Variants in LYST observed in about 807,000 individuals in gnomAD.
The protein encoded by LYST is lysosomal trafficking regulator.
Under a neutral mutation model 413.6 loss-of-function variants are expected in LYST, and 192 were observed. That is an observed-to-expected ratio of 0.46 (90% confidence interval 0.41 to 0.52). The LOEUF (loss-of-function observed/expected upper bound fraction) is 0.52. LYST is among the 20% of genes least tolerant of loss of function. The probability of loss-of-function intolerance (pLI) is 0.00; values close to 1 mark genes in which losing one functional copy is unlikely to be tolerated. For synonymous variants in LYST, 1,525 were observed against 1,567.3 expected (o/e 0.97, Z 0.64); for missense variants, 3,815 against 4,499.9 (o/e 0.85, Z 4.35).
chr1:235,817,981 A>G (rs1156546173), intron 3 of LYST, among the ~76,000 whole-genome samples: 2 of 152,216 alleles, frequency 1.3e-5, no homozygotes, highest in African/African-American at 4.8e-5. Flanking sequence ...CGTAAGTTTT[A>G]CAATATTTTC....
intron 1 of LYST, among the ~76,000 whole-genome samples, chr1:235,842,984 T>C (rs1165085982): frequency 3.2e-4 from 48 of 152,276 alleles, no homozygotes; most frequent in Non-Finnish European, 8.8e-5. Context: ...TGACCACATA[T>C]ATTCTTCACT....
intron 37 of LYST, among the ~76,000 whole-genome samples, chr1:235,728,951 C>G (rs1215872884): frequency 1.3e-5 from 2 of 152,264 alleles, no homozygotes; most frequent in East Asian, 1.9e-4. Flanking sequence ...ATTTCAGATT[C>G]ATCAAGTCTG....
At position 235,678,432 on chromosome 1, in the gene LYST, T is replaced by C. The variant is rs529588133; in HGVS notation, c.10801-813A>G. On this transcript the variant is annotated intron_variant, in intron 48 of 52. Coordinates refer to ENST00000389793, the MANE Select transcript of LYST (RefSeq NM_000081.4). ...TAATGCTACCGATACTCAGCAGTTA[T>C]GGCTTGACTTTCTAAATCAAAGCTT... Among the ~76,000 whole-genome samples, 5 of 152,332 alleles carry C rather than the reference T, an allele frequency of 3.3e-5. No individual in the cohort carries two copies. In the East Asian group the frequency reaches 7.7e-4, roughly 23 times the overall value.
chr1:235,778,875 T>C (rs1669579583), intron 16 of LYST, among the ~76,000 whole-genome samples: 1 of 151,782 alleles, frequency 6.6e-6, no homozygotes, highest in Non-Finnish European at 1.5e-5. Flanking sequence ...CTTTTTTCTT[T>C]TTTTTTTTGA....
At chr1:235,870,431 T>C (rs1680876920), upstream of LYST, among the ~76,000 whole-genome samples, 1 of 152,208 alleles carries the variant, frequency 6.6e-6, no homozygotes, top group African/African-American at 2.4e-5. Context: ...CTCACTTCCA[T>C]TTTCTGTATG....
intron 15 of LYST, 43 bp downstream of exon 15, chr1:235,781,884 T>C (rs1267877407): frequency 7.5e-7 from 1 of 1,336,088 alleles, no homozygotes; most frequent in East Asian, 2.3e-5. Context: ...TCTCACTCTG[T>C]CGCCCAGGCT....
chr1:235,782,136 G>T, intron 14 of LYST, 49 bp from the exon 15 acceptor site: 5 of 1,450,076 alleles, frequency 3.4e-6, no homozygotes, highest in Non-Finnish European at 4.8e-6. Context: ...AGGAAGTCTA[G>T]TACTAAGTAT....
chr1:235,816,838 GA>G (rs1414956861), intron 3 of LYST, among the ~76,000 whole-genome samples: 4 of 152,156 alleles, frequency 2.6e-5, no homozygotes, highest in African/African-American at 9.7e-5. Flanking sequence ...CATGACGAAG[GA>G]TGCCAAAAGC....
At chr1:235,663,915 A>G in intron 52 of LYST, 69 bp downstream of exon 52, 1 of 1,289,578 alleles carries the variant, frequency 7.8e-7, no homozygotes, top group East Asian at 2.3e-5. Flanking sequence ...CTGTGTGCTT[A>G]AATACCTCTC....
intron 46 of LYST, among the ~76,000 whole-genome samples, chr1:235,695,482 A>G (rs1346770686): frequency 6.6e-6 from 1 of 152,246 alleles, no homozygotes; most frequent in East Asian, 1.9e-4. Context: ...GAACATAGCT[A>G]TTAAGGGCAC....
intron 34 of LYST, 102 bp downstream of exon 34, chr1:235,733,401 G>A (rs2103220632): frequency 1.0e-6 from 1 of 996,312 alleles, no homozygotes; most frequent in Non-Finnish European, 1.6e-6. Context: ...ATTGTTTAAT[G>A]AAATGATTTT....
chr1:235,738,098 G>A, intron 31 of LYST: 2 of 1,606,768 alleles, frequency 1.2e-6, no homozygotes, highest in Non-Finnish European at 1.7e-6. Context: ...CTCTTGGCAT[G>A]GCCTGTGCCA....
In LYST at chr1:235,810,369, G is replaced by A. The variant is rs200787730; in HGVS notation, c.449C>T (p.Thr150Ile). The A allele has an allele frequency of 1.4e-5, 23 of 1,613,710 alleles. No homozygotes were observed. Among genetic ancestry groups the A allele is most frequent in the Non-Finnish European group, 1.9e-5 (22 of 1,179,868 alleles). The part of the protein sequence containing the change: ...FRKSRRQRKI[T>I]HRYSVRDARK... ...TGCATCTCTTACAGAATAGCGATGG[G>A]TAATTTTACGCTGTCGTCTGCTTTT... Residue 150 changes from threonine to isoleucine, a missense_variant, in exon 5 of 53, where the codon ACC (threonine) becomes ATC (isoleucine). Thr to Ile is a moderately conservative substitution (Grantham distance 89, BLOSUM62 -1). This residue lies in a region of LYST where 1,648 missense variants were observed against 1,810.3 expected (regional missense o/e 0.91). Transcript: ENST00000389793.
chr1:235,795,000 A>G (rs967939924), intron 10 of LYST, among the ~76,000 whole-genome samples: 2 of 152,180 alleles, frequency 1.3e-5, no homozygotes, highest in African/African-American at 2.4e-5. Flanking sequence ...GGCAGTGGGC[A>G]TTGGGGCACA....
upstream of LYST, among the ~76,000 whole-genome samples, chr1:235,870,374 C>G (rs1305113114): frequency 6.6e-6 from 1 of 152,212 alleles, no homozygotes; most frequent in African/African-American, 2.4e-5. Context: ...GAACTGTGTT[C>G]TAATAAAGCA....
At chr1:235,716,896 C>T (rs1363945284) in intron 40 of LYST, 118 bp from the exon 41 acceptor site, 1 of 665,654 alleles carries the variant, frequency 1.5e-6, no homozygotes, top group East Asian at 2.7e-5. Flanking sequence ...ACCCTTATTT[C>T]TCTGCTTAAA....
chr1:235,808,811 A>T lies in LYST; in HGVS notation c.2007T>A (p.Ser669Arg). ...CDAELSSSLS[S>R]PSYRFQGILP... Reference sequence around the variant, plus strand: ...GGATCCCTTGAAATCTGTAAGAAGGACTGGATAAACTTGAGGAGAGTTCAG... The same window carrying T: ...GGATCCCTTGAAATCTGTAAGAAGGTCTGGATAAACTTGAGGAGAGTTCAG... Residue 669 changes from serine (S) to arginine (R), a missense_variant, in exon 5 of 53, where the codon AGT becomes AGA. Physicochemically the swap from Ser to Arg is moderately radical, Grantham distance 110 (BLOSUM62 -1). This residue lies in a region of LYST where 1,648 missense variants were observed against 1,810.3 expected (regional missense o/e 0.91). Coordinates refer to ENST00000389793, the MANE Select transcript of LYST (RefSeq NM_000081.4). The T allele has an allele frequency of 6.2e-7, 1 of 1,614,072 alleles. No homozygotes were observed. Among genetic ancestry groups the T allele is most frequent in the Non-Finnish European group, 8.5e-7 (1 of 1,179,988 alleles).
chr1:235,781,145 G>T, intron 15 of LYST, 90 bp from the exon 16 acceptor site: 1 of 831,320 alleles, frequency 1.2e-6, no homozygotes, highest in Non-Finnish European at 2.0e-6. Flanking sequence ...ATTTTTTGTA[G>T]CCAGATTCTT....
chr1:235,857,786 T>C (rs79008260), intron 1 of LYST, among the ~76,000 whole-genome samples: 3,530 of 128,634 alleles, frequency 0.027, 149 homozygotes, highest in African/African-American at 0.12. Flanking sequence ...CACACACACA[T>C]ATATATATAA....
Sources: gnomAD v4.1 joint callset for allele counts (sites outside exome capture counted in the v4.1 genomes callset) on GRCh38, gnomAD v4.1.1 for gene constraint, gnomAD v4.1.1 regional missense constraint, MANE v1.5 for transcripts, NCBI Gene and HGNC (gene_info 2026-07-23, HGNC 2026-07-21) for gene names.